The following SNX6 variants were observed in gnomAD, a reference collection of about 807,000 sequenced individuals.
SNX6 encodes the protein sorting nexin 6.
Under a neutral mutation model 63.0 loss-of-function variants are expected in SNX6, and 34 were observed. The ratio of observed to expected loss-of-function variants is 0.54; its 90% confidence interval spans 0.41 to 0.72. The LOEUF is 0.72. Ranked by LOEUF, SNX6 falls within the 30% of genes least tolerant of loss-of-function variation. SNX6 has a pLI of 0.00. For synonymous variants in SNX6, 170 were observed against 164.2 expected (o/e 1.04, Z -0.27); for missense variants, 398 against 471.4 (o/e 0.84, Z 1.44).
At chr14:34,603,734 G>T (rs532146780) in intron 5 of SNX6, among the ~76,000 whole-genome samples, 96 of 151,970 alleles carry the variant, frequency 6.3e-4, no homozygotes, top group Non-Finnish European at 1.2e-3. Context: ...TTACTTATGC[G>T]AGTTGATGTT....
At chr14:34,623,438 C>G (rs1003765095) in intron 2 of SNX6, among the ~76,000 whole-genome samples, 5 of 151,884 alleles carry the variant, frequency 3.3e-5, no homozygotes, top group African/African-American at 1.2e-4. Flanking sequence ...TTGGACCTTA[C>G]CCCCCAAAAA....
intron 2 of SNX6, among the ~76,000 whole-genome samples, chr14:34,615,197 T>G (rs1037326447): frequency 6.6e-6 from 1 of 152,178 alleles, no homozygotes; most frequent in African/African-American, 2.4e-5. Flanking sequence ...CCCTGTACTA[T>G]CCACTTAACG....
At chr14:34,618,893 A>G (rs987821208) in intron 2 of SNX6, among the ~76,000 whole-genome samples, 3 of 152,192 alleles carry the variant, frequency 2.0e-5, no homozygotes, top group African/African-American at 7.2e-5. Context: ...TGCCTATTCA[A>G]AACCTAATAT....
chr14:34,625,257 A>G (rs1452363914), intron 2 of SNX6, among the ~76,000 whole-genome samples: 1 of 152,176 alleles, frequency 6.6e-6, no homozygotes, highest in Non-Finnish European at 1.5e-5. Flanking sequence ...GATCTAAACT[A>G]AAAATGCAAT....
rs187533522 is a variant in SNX6, at chr14:34,595,148, A to C, written c.613-1998T>G. The stretch of plus-strand genomic sequence containing the variant: ...TAAAATAAAATTCATAATTCATAAT[A>C]TGTAACAGTTCCCTCTCTCTCTTTC... On this transcript the variant is annotated intron_variant, in intron 7 of 13. Coordinates refer to ENST00000362031, the MANE Select transcript of SNX6 (RefSeq NM_152233.4). 1.8e-4 allele frequency among the ~76,000 whole-genome samples: 27 copies of C among 151,536 alleles called. No individual in the cohort carries two copies. The East Asian group carries it at 4.9e-3, about 27-fold the overall frequency.
At chr14:34,587,700 C>T (rs79788641) in intron 8 of SNX6, among the ~76,000 whole-genome samples, 10 of 151,874 alleles carry the variant, frequency 6.6e-5, no homozygotes, top group Admixed American at 5.9e-4. Flanking sequence ...GGCATGATCA[C>T]GGCTCACTGC....
intron 6 of SNX6, among the ~76,000 whole-genome samples, chr14:34,603,004 G>A (rs578089830): frequency 7.9e-5 from 11 of 139,784 alleles, no homozygotes; most frequent in East Asian, 6.8e-4. Context: ...TGGGCTGGGC[G>A]CTATGGCTCA....
chr14:34,572,618 T>C lies in SNX6; in HGVS notation c.921+3138A>G, dbSNP rs550348699. On this transcript the variant is annotated intron_variant, in intron 11 of 13. Coordinates refer to ENST00000362031, the MANE Select transcript of SNX6 (RefSeq NM_152233.4). ...CAATATCTCAATTCACAAATTAACA[T>C]TGAATTTGCATTATCTGATCCACTA... 3.3e-5 allele frequency among the ~76,000 whole-genome samples: 5 copies of C among 152,304 alleles called. No individual in the cohort carries two copies. In the East Asian group the frequency reaches 7.7e-4, roughly 23 times the overall value.
In SNX6 at chr14:34,572,330, G is replaced by A. The variant is rs545040571; in HGVS notation, c.921+3426C>T. Among the ~76,000 whole-genome samples the A allele has an allele frequency of 3.9e-4, 60 of 152,156 alleles. 1 individual carries two copies. Among genetic ancestry groups the A allele is most frequent in the African/African-American group, 1.3e-3 (55 of 41,528 alleles). On this transcript the variant is annotated intron_variant, in intron 11 of 13. Coordinates refer to ENST00000362031, the MANE Select transcript of SNX6 (RefSeq NM_152233.4). The stretch of plus-strand genomic sequence containing the variant: ...TCCCAACACCTTGGGAGGCCGAGGC[G>A]GGTGGATAACTTGAGCCCAGGAGTT...
At position 34,580,221 on chromosome 14, in the gene SNX6, A is replaced by C. The variant is rs989430919; in HGVS notation, c.834+1340T>G. ...AAACAAACAAAAAACAAAACAAAAA[A>C]CCCAAATCTCACTGGCAGTGCCTTG... On this transcript the variant is annotated intron_variant, in intron 10 of 13. Coordinates refer to ENST00000362031, the MANE Select transcript of SNX6 (RefSeq NM_152233.4). 3.9e-5 allele frequency among the ~76,000 whole-genome samples: 6 copies of C among 152,208 alleles called. No individual in the cohort carries two copies. In the East Asian group the frequency reaches 1.2e-3, roughly 29 times the overall value.
intron 13 of SNX6, 32 bp from the exon 14 acceptor site, chr14:34,563,207 T>G: frequency 6.3e-7 from 1 of 1,593,438 alleles, no homozygotes; most frequent in Middle Eastern, 1.7e-4. Flanking sequence ...AATTACAAAT[T>G]TTATTTCAAA....
At position 34,567,708 on chromosome 14, in the gene SNX6, T is replaced by A. The variant is rs780443143; in HGVS notation, c.1145A>T (p.Glu382Val). 6 of 1,613,596 alleles carry A rather than the reference T, an allele frequency of 3.7e-6. No individual in the cohort carries two copies. The highest frequency in any genetic ancestry group is 5.1e-6 in the Non-Finnish European group (6 of 1,179,648). The part of the protein sequence containing the change: ...AFRKNLVELA[E>V]LELKHAKGNL... ...TACCTTTGCATGCTTCAGTTCTAAC[T>A]CTGCCAGTTCCACTAAATTTTTTCT... is the stretch of plus-strand genomic sequence containing the variant. Residue 382 changes from glutamate to valine, a missense_variant, in exon 13 of 14, where the codon GAG becomes GTG. Physicochemically the swap from Glu to Val is moderately radical, Grantham distance 121. Transcript: ENST00000362031.
At chr14:34,582,679 G>T (rs964914862) in intron 9 of SNX6, among the ~76,000 whole-genome samples, 8 of 152,048 alleles carry the variant, frequency 5.3e-5, no homozygotes, top group Non-Finnish European at 1.2e-4. Flanking sequence ...CTAAGTAGCT[G>T]GCATTACAGG....
In SNX6 at chr14:34,565,910, C is replaced by T. The variant is rs930241628; in HGVS notation, c.1167+1776G>A. 2.6e-5 allele frequency among the ~76,000 whole-genome samples: 4 copies of T among 151,262 alleles called. No individual in the cohort carries two copies. The South Asian group carries it at 6.3e-4, about 24-fold the overall frequency. On this transcript the variant is annotated intron_variant, in intron 13 of 13. Coordinates refer to ENST00000362031, the MANE Select transcript of SNX6 (RefSeq NM_152233.4). ...TCCACCGTGTTAGCCAGGATGGCCT[C>T]GATCTCCTGACCTCGTGATCCACCC...
At chr14:34,575,619 G>A in intron 11 of SNX6, 137 bp downstream of exon 11, 1 of 442,838 alleles carries the variant, frequency 2.3e-6, no homozygotes. Context: ...TTTCTAAAAG[G>A]AGAAATAGAA....
intron 5 of SNX6, among the ~76,000 whole-genome samples, chr14:34,605,104 C>T (rs766852487): frequency 8.6e-5 from 13 of 151,996 alleles, no homozygotes; most frequent in Non-Finnish European, 1.5e-4. Context: ...TACATACATA[C>T]GCAGTTTTTA....
chr14:34,602,423 C>CT lies in SNX6; in HGVS notation c.516+924dup, dbSNP rs1882851155. Among the ~76,000 whole-genome samples, 9 of 118,048 alleles carry CT rather than the reference C, an allele frequency of 7.6e-5. No homozygotes were observed. The South Asian group carries it at 1.5e-3, about 20-fold the overall frequency. The allele number at this position is 118,048 out of a possible 152,430, so 77.4% of individuals were successfully genotyped here. ...GCTTGGGAAACAAGAGCGAAACTGT[C>CT]TTAAAAAAAAAAAAAAAATTAGCTG... On this transcript the variant is annotated intron_variant, in intron 6 of 13. Transcript: ENST00000362031.
chr14:34,581,618 T>C lies in SNX6; in HGVS notation c.795-18A>G. 7.0e-7 allele frequency: 1 copy of C among 1,430,248 alleles called. No individual in the cohort carries two copies. The allele number at this position is 1,430,248 out of a possible 1,614,324, so 88.6% of individuals were successfully genotyped here. On this transcript the variant is annotated intron_variant, in intron 9 of 13. Coordinates refer to ENST00000362031, the MANE Select transcript of SNX6 (RefSeq NM_152233.4). ...GAAAAAACCTGGAAAGGAAAATATT[T>C]TCATCATATTCTACATTCAAAGTAA...
Position 34,597,640 on chromosome 14 carries a change from A to G in SNX6, c.522T>C (p.Ser174=), listed in dbSNP as rs761614460. The stretch of plus-strand genomic sequence containing the variant: ...TCTCTTTTTTATTTTTTCCTCGCAC[A>G]CTCAACTGAAAGAAAGGTAATTTAA... The part of the protein sequence containing the change: ...HVFLEYNQDL[S]VRGKNKKEKL... Residue 174 remains serine (S), a synonymous_variant, in exon 7 of 14, where the codon AGT becomes AGC. Coordinates refer to ENST00000362031, the MANE Select transcript of SNX6 (RefSeq NM_152233.4). The G allele has an allele frequency of 1.3e-6, 2 of 1,573,448 alleles. No homozygotes were observed. The highest frequency in any genetic ancestry group is 1.4e-5 in the African/African-American group (1 of 73,618).
Sources: gnomAD v4.1 joint callset for allele counts (sites outside exome capture counted in the v4.1 genomes callset) on GRCh38, gnomAD v4.1.1 for gene constraint, MANE v1.5 for transcripts, NCBI Gene and HGNC (gene_info 2026-07-23, HGNC 2026-07-21) for gene names.